The following RAF1 variants were observed in gnomAD, a reference collection of about 807,000 sequenced individuals.
RAF1 encodes RAF proto-oncogene serine/threonine-protein kinase.
A neutral mutation model predicts 81.1 loss-of-function variants in RAF1; 27 were observed. The ratio of observed to expected loss-of-function variants is 0.33; its 90% confidence interval spans 0.25 to 0.46. The LOEUF is 0.46. Ranked by LOEUF, RAF1 falls within the 20% of genes least tolerant of loss-of-function variation. The pLI, the probability that RAF1 is intolerant of heterozygous loss-of-function variation, is 1.00. For missense variants in RAF1, 598 were observed against 826.0 expected (o/e 0.72, Z 3.38); for synonymous variants, 298 against 294.0 (o/e 1.01, Z -0.14).
chr3:12,631,727 A>G (rs1256964417), intron 1 of RAF1, among the ~76,000 whole-genome samples: 1 of 152,208 alleles, frequency 6.6e-6, no homozygotes, highest in African/African-American at 2.4e-5. Flanking sequence ...ACAGGAGATG[A>G]GAGAGGGTGG....
intron 1 of RAF1, among the ~76,000 whole-genome samples, chr3:12,636,442 T>TAAAA (rs1204761754): frequency 2.5e-5 from 1 of 39,706 alleles, no homozygotes; most frequent in Non-Finnish European, 4.0e-5. Flanking sequence ...CTGTATATCT[T>TAAAA]TAAAAAAAAA....
rs1002690946 is a variant in RAF1 at position 12,664,017 on chromosome 3, C to T, written c.-231G>A. 20 of 398,450 alleles carry T rather than the reference C, an allele frequency of 5.0e-5. No individual in the cohort carries two copies. Among genetic ancestry groups the T allele is most frequent in the African/African-American group, 3.9e-4 (19 of 48,632 alleles). The allele number at this position is 398,450 out of a possible 1,614,324, so 24.7% of individuals were successfully genotyped here. A position where few individuals can be genotyped will look rare whatever the true frequency, so the allele number is the denominator to read the frequency against. ...CGCCCCAAAGCCCGGCCAGCTGACC[C>T]TTTTCGGGGCCCAAAAAAGGCAGCA... On this transcript the variant is annotated 5_prime_UTR_variant, in exon 1 of 18. Coordinates refer to ENST00000442415, the MANE Select transcript of RAF1 (RefSeq NM_001354689.3).
At chr3:12,613,764 G>C (rs565016362) in intron 2 of RAF1, among the ~76,000 whole-genome samples, 1 of 152,182 alleles carries the variant, frequency 6.6e-6, no homozygotes, top group South Asian at 2.1e-4. Flanking sequence ...GAGGGGCAAC[G>C]TAAGAAGTTT....
intron 11 of RAF1, among the ~76,000 whole-genome samples, chr3:12,596,926 T>A (rs1406109783): frequency 6.7e-6 from 1 of 149,962 alleles, no homozygotes; most frequent in Non-Finnish European, 1.5e-5. Context: ...TGAGACGGAG[T>A]CTCGCTCTGT....
At chr3:12,635,155 G>A (rs1287824606) in intron 1 of RAF1, among the ~76,000 whole-genome samples, 1 of 151,310 alleles carries the variant, frequency 6.6e-6, no homozygotes, top group Non-Finnish European at 1.5e-5. Flanking sequence ...ATGAAATCCT[G>A]TCTCTGTTAA....
Position 12,590,861 on chromosome 3 carries a change from T to C in RAF1, c.1367A>G (p.Gln456Arg). ...CTGGAACATCTGAAACTTGGTCTCC[T>C]GGACATGCAGGTGTTTGTAGAGGCT... The change falls in exon 13 of 18, where the codon CAG becomes CGG. Residue 456 changes from glutamine to arginine, a missense_variant. By Grantham distance (43) the Gln-to-Arg change is conservative. Transcript: ENST00000442415. 1 of 1,614,030 alleles carries C rather than the reference T, an allele frequency of 6.2e-7. No individual in the cohort carries two copies. Among genetic ancestry groups the C allele is most frequent in the Non-Finnish European group, 8.5e-7 (1 of 1,179,864 alleles).
chr3:12,608,111 G>A (rs1166047557), intron 5 of RAF1, among the ~76,000 whole-genome samples: 1 of 152,000 alleles, frequency 6.6e-6, no homozygotes, highest in Non-Finnish European at 1.5e-5. Context: ...CACTCCCTTG[G>A]TTTCTCTAGT....
At position 12,599,766 on chromosome 3, in the gene RAF1, C is replaced by G. The variant is rs766763525; in HGVS notation, c.1093G>C (p.Glu365Gln). 1.2e-6 allele frequency: 2 copies of G among 1,614,056 alleles called. No individual in the cohort carries two copies. Among genetic ancestry groups the G allele is most frequent in the Non-Finnish European group, 1.7e-6 (2 of 1,180,026 alleles). Residue 365 changes from glutamate (E) to glutamine (Q), a missense_variant, in exon 11 of 18, where the codon GAA becomes CAA. Physicochemically the swap from Glu to Gln is conservative, Grantham distance 29. Coordinates refer to ENST00000442415, the MANE Select transcript of RAF1 (RefSeq NM_001354689.3). ...GTGGACAGCATCACTTCACTGGCTT[C>G]TATTTCCCAATAATAGCTTGAATCT...
At chr3:12,589,790 T>TG (rs1001468244) in intron 13 of RAF1, 15 of 136,284 alleles carry the variant, frequency 1.1e-4, no homozygotes, top group African/African-American at 2.5e-4. Context: ...GTGGTTTTTT[T>TG]GGGTTTTTTT....
intron 5 of RAF1, among the ~76,000 whole-genome samples, chr3:12,608,252 T>C (rs929148618): frequency 2.6e-5 from 4 of 152,194 alleles, no homozygotes; most frequent in East Asian, 1.9e-4. Context: ...ATGAAATATA[T>C]TGTCTCCTGA....
rs552345915 is a variant in RAF1, at chr3:12,656,809, C to T, written c.-27+7004G>A. On this transcript the variant is annotated intron_variant, in intron 1 of 17. Transcript: ENST00000442415. The stretch of plus-strand genomic sequence containing the variant: ...GTCAGGAGTTCAAGACCAGTCTGGC[C>T]AACATCATGAAACCCCATCTCTACT... 4.6e-5 allele frequency among the ~76,000 whole-genome samples: 7 copies of T among 152,110 alleles called. No homozygotes were observed. In the East Asian group the frequency reaches 1.4e-3, roughly 29 times the overall value.
At chr3:12,593,182 C>T (rs562229636) in intron 11 of RAF1, among the ~76,000 whole-genome samples, 40 of 151,460 alleles carry the variant, frequency 2.6e-4, no homozygotes, top group Non-Finnish European at 4.4e-4. Context: ...CCTCCGCAAG[C>T]GATTCTCCTG....
chr3:12,657,718 G>A (rs1478577080), intron 1 of RAF1, among the ~76,000 whole-genome samples: 1 of 151,626 alleles, frequency 6.6e-6, no homozygotes, highest in Non-Finnish European at 1.5e-5. Context: ...GCGGTGAGCT[G>A]AGATTGTGCA....
intron 8 of RAF1, among the ~76,000 whole-genome samples, chr3:12,601,964 G>T (rs1416123985): frequency 2.0e-5 from 3 of 152,206 alleles, no homozygotes; most frequent in Admixed American, 1.3e-4. Context: ...AAATAATGTG[G>T]ATTTCAATAG....
At chr3:12,611,746 C>A (rs1027835832) in intron 3 of RAF1, among the ~76,000 whole-genome samples, 1 of 152,126 alleles carries the variant, frequency 6.6e-6, no homozygotes, top group African/African-American at 2.4e-5. Flanking sequence ...CCCAGCTTAA[C>A]GTGTATTTAA....
chr3:12,640,429 G>A (rs1363540623), intron 1 of RAF1, among the ~76,000 whole-genome samples: 2 of 150,278 alleles, frequency 1.3e-5, no homozygotes, highest in African/African-American at 2.4e-5. Flanking sequence ...CAGTGAACAC[G>A]CAACCTACAG....
At chr3:12,646,681 G>A (rs1471494072) in intron 1 of RAF1, among the ~76,000 whole-genome samples, 1 of 151,748 alleles carries the variant, frequency 6.6e-6, no homozygotes, top group Non-Finnish European at 1.5e-5. Context: ...CTCCCGAGTA[G>A]CTGGGATTAT....
intron 1 of RAF1, among the ~76,000 whole-genome samples, chr3:12,629,837 G>A (rs2059811284): frequency 6.6e-6 from 1 of 152,192 alleles, no homozygotes; most frequent in Non-Finnish European, 1.5e-5. Context: ...CCAGGTTGGA[G>A]TGCAGTGGCA....
At position 12,592,033 on chromosome 3, in the gene RAF1, C is replaced by T. The variant is rs1423993784; in HGVS notation, c.1169-241G>A. ...GCTTAAGCAATCCTCCCACCTTGGC[C>T]TCCCAAAGTGCTGGGATTATAGGTC... On this transcript the variant is annotated intron_variant, in intron 11 of 17. Coordinates refer to ENST00000442415, the MANE Select transcript of RAF1 (RefSeq NM_001354689.3). The T allele has an allele frequency of 3.4e-4, 185 of 552,086 alleles. 1 individual carries two copies. Among genetic ancestry groups the T allele is most frequent in the Non-Finnish European group, 6.2e-5 (19 of 307,056 alleles). 34.2% of individuals were successfully genotyped at this position (552,086 alleles called of 1,614,324 possible).
Sources: gnomAD v4.1 joint callset for allele counts (sites outside exome capture counted in the v4.1 genomes callset) on GRCh38, gnomAD v4.1.1 for gene constraint, MANE v1.5 for transcripts, NCBI Gene and HGNC (gene_info 2026-07-23, HGNC 2026-07-21) for gene names.